CHD1L: variants seen among roughly 807,000 people sequenced by gnomAD.
CHD1L encodes the protein chromodomain helicase DNA binding protein 1 like, also known as ATP-dependent chromatin remodeler CHD1L.
Under a neutral mutation model 115.9 loss-of-function variants are expected in CHD1L, and 118 were observed. The ratio of observed to expected loss-of-function variants is 1.02; its 90% CI spans 0.88 to 1.19. The LOEUF (loss-of-function observed/expected upper bound fraction) is 1.19, where lower values mean the gene tolerates loss of function less well. CHD1L is among the 50% of genes most tolerant of loss of function. The pLI is 0.00. For missense variants in CHD1L, 1,179 were observed against 1,065.3 expected (o/e 1.11, Z -1.49); for synonymous variants, 411 against 387.1 (o/e 1.06, Z -0.72).
At chr1:147,274,238 G>T (rs1481653410) in intron 12 of CHD1L, among the ~76,000 whole-genome samples, 1 of 152,168 alleles carries the variant, frequency 6.6e-6, no homozygotes, top group African/African-American at 2.4e-5. Flanking sequence ...CGACAGGGTT[G>T]TTGTGAGGGT....
chr1:147,279,154 T>C (rs587753014), intron 14 of CHD1L, among the ~76,000 whole-genome samples: 1 of 152,212 alleles, frequency 6.6e-6, no homozygotes, highest in Non-Finnish European at 1.5e-5. Flanking sequence ...GTCTATTGTT[T>C]CTTCAAGCTG....
chr1:147,193,518 C>T, the CHD1L span, among the ~76,000 whole-genome samples: 1 of 152,026 alleles, frequency 6.6e-6, no homozygotes, highest in African/African-American at 2.4e-5. Context: ...CAGTTCTGCT[C>T]TGATTTTAGT....
At chr1:147,291,590 A>ACTCACATCAACTTCT (rs781939159) in intron 20 of CHD1L, 38 bp downstream of exon 20, 12 of 1,522,980 alleles carry the variant, frequency 7.9e-6, no homozygotes, top group Non-Finnish European at 1.1e-5. Flanking sequence ...CTACAAGTGG[A>ACTCACATCAACTTCT]CTCACATCAA....
At chr1:147,250,726 T>C (rs2102334077) in intron 1 of CHD1L, among the ~76,000 whole-genome samples, 2 of 152,102 alleles carry the variant, frequency 1.3e-5, no homozygotes, top group Non-Finnish European at 1.5e-5. Flanking sequence ...CTGTGGTGTT[T>C]ACTAGAATAG....
In CHD1L at chr1:147,284,384, A is replaced by G; in HGVS notation, c.1739A>G (p.Tyr580Cys). 1 of 1,596,440 alleles carries G rather than the reference A, an allele frequency of 6.3e-7. No homozygotes were observed. The highest frequency in any genetic ancestry group is 8.5e-7 in the Non-Finnish European group (1 of 1,170,498). ...NHMYLFEGKD[Y>C]SKEPSKEDRK... is the part of the protein sequence containing the mutation. ...ATGTACTTATTTGAAGGTAAAGATT[A>G]TTCTAAAGAGCCCAGTAAGGAAGAC... is the stretch of plus-strand genomic sequence containing the variant. Residue 580 changes from tyrosine (Y) to cysteine (C), a missense_variant, in exon 16 of 23, where the codon TAT becomes TGT. Physicochemically the swap from Tyr to Cys is radical, Grantham distance 194 (BLOSUM62 -2). Coordinates refer to ENST00000369258, the MANE Select transcript of CHD1L (RefSeq NM_004284.6).
At chr1:147,276,571 A>G (rs1350383028) in intron 14 of CHD1L, among the ~76,000 whole-genome samples, 1 of 152,246 alleles carries the variant, frequency 6.6e-6, no homozygotes, top group East Asian at 1.9e-4. Context: ...GTTAAAATAA[A>G]GAACTCAATA....
At chr1:147,243,537 C>T (rs1559711234) in intron 1 of CHD1L, among the ~76,000 whole-genome samples, 1 of 152,108 alleles carries the variant, frequency 6.6e-6, no homozygotes, top group Non-Finnish European at 1.5e-5. Context: ...CCCAGCCCTG[C>T]CGCTGCATGG....
At chr1:147,259,949 A>G (rs782733015) in intron 6 of CHD1L, 31 bp downstream of exon 6, 7 of 1,488,960 alleles carry the variant, frequency 4.7e-6, no homozygotes, top group Non-Finnish European at 5.6e-6. Context: ...TAGTTTTTAT[A>G]TAACCCCTTC....
chr1:147,249,749 C>G (rs994042470), intron 1 of CHD1L, among the ~76,000 whole-genome samples: 2 of 152,178 alleles, frequency 1.3e-5, no homozygotes, highest in Admixed American at 1.3e-4. Context: ...GAAACTGTAG[C>G]TCTTTAGCCA....
the CHD1L span, chr1:147,210,657 T>G: frequency 6.6e-6 from 1 of 152,188 alleles, no homozygotes; most frequent in African/African-American, 2.4e-5. Context: ...ATGAAAAGAT[T>G]TCCTATTTAT....
intron 10 of CHD1L, among the ~76,000 whole-genome samples, chr1:147,270,456 C>T (rs1202394067): frequency 2.0e-5 from 3 of 152,104 alleles, no homozygotes; most frequent in Non-Finnish European, 4.4e-5. Flanking sequence ...CTTTACACCC[C>T]CAAACAGGGC....
the CHD1L span, among the ~76,000 whole-genome samples, chr1:147,234,409 G>A: frequency 1.3e-5 from 2 of 152,162 alleles, no homozygotes; most frequent in African/African-American, 4.8e-5. Context: ...CAGAGAGGAG[G>A]AAGAGAAAGT....
chr1:147,188,369 C>T, the CHD1L span, among the ~76,000 whole-genome samples: 4 of 151,594 alleles, frequency 2.6e-5, no homozygotes, highest in Non-Finnish European at 5.9e-5. Flanking sequence ...ACAGAAAACA[C>T]AAAAATTAGC....
At chr1:147,217,132 C>CG in the CHD1L span, among the ~76,000 whole-genome samples, 2 of 151,750 alleles carry the variant, frequency 1.3e-5, no homozygotes, top group African/African-American at 2.4e-5. Flanking sequence ...CCCAGCTAGT[C>CG]GGGGGGCTGA....
chr1:147,186,364 A>G, the CHD1L span: 1 of 949,078 alleles, frequency 1.1e-6, no homozygotes, highest in East Asian at 1.2e-4. Flanking sequence ...AGTGAAACAA[A>G]ATGTCTTAAG....
At chr1:147,274,355 T>TA (rs1318221737) in intron 12 of CHD1L, among the ~76,000 whole-genome samples, 3 of 152,226 alleles carry the variant, frequency 2.0e-5, no homozygotes, top group African/African-American at 7.2e-5. Flanking sequence ...CATCTCTCAG[T>TA]AATCGGTCAT....
chr1:147,177,645 C>G, the CHD1L span, among the ~76,000 whole-genome samples: 7 of 152,080 alleles, frequency 4.6e-5, no homozygotes, highest in African/African-American at 1.7e-4. Flanking sequence ...GTTTCCTCCC[C>G]GAAACTCATT....
At chr1:147,273,298 G>C (rs1272635268) in intron 12 of CHD1L, among the ~76,000 whole-genome samples, 2 of 152,170 alleles carry the variant, frequency 1.3e-5, no homozygotes, top group African/African-American at 4.8e-5. Context: ...GAACATGAAA[G>C]AGATGTGTGT....
chr1:147,184,548 T>C, the CHD1L span: 8 of 1,548,774 alleles, frequency 5.2e-6, no homozygotes, highest in African/African-American at 9.6e-5. The surrounding 1 kb of genome is among the most constrained non-coding windows in gnomAD (Gnocchi z 4.4). Flanking sequence ...TCTTTGTTGA[T>C]GATCTTGACA....
Sources: allele counts gnomAD v4.1 joint callset (sites outside exome capture counted in the v4.1 genomes callset), GRCh38; gene constraint gnomAD v4.1.1; non-coding constraint Gnocchi (gnomAD v3.1); transcripts MANE v1.5; gene names NCBI Gene and HGNC (gene_info 2026-07-23, HGNC 2026-07-21).